Variants in TUFT1 observed in about 807,000 individuals in gnomAD.
TUFT1 encodes tuftelin.
In TUFT1, 43 loss-of-function variants were observed where a neutral mutation model predicts 57.8. That is an observed-to-expected ratio of 0.74 (90% CI 0.58 to 0.96). The LOEUF is 0.96. Ranked by LOEUF, TUFT1 falls within the 40% of genes least tolerant of loss-of-function variation. TUFT1 has a pLI of 0.00. For synonymous variants in TUFT1, 166 were observed against 176.7 expected, an observed-to-expected ratio of 0.94 and a Z score of 0.48; for missense variants, 459 against 489.0, an observed-to-expected ratio of 0.94 and a Z score of 0.58.
chr1:151,578,101 C>T (rs1162672565), intron 9 of TUFT1, among the ~76,000 whole-genome samples: 3 of 151,812 alleles, frequency 2.0e-5, no homozygotes, highest in African/African-American at 7.3e-5. Context: ...ACGAGGAGTT[C>T]ATTACACATG....
At chr1:151,567,200 T>C (rs1021961064) in intron 6 of TUFT1, among the ~76,000 whole-genome samples, 1 of 152,124 alleles carries the variant, frequency 6.6e-6, no homozygotes, top group Non-Finnish European at 1.5e-5. Context: ...GTGCCTAGCC[T>C]ACTTTTTAAA....
chr1:151,562,859 A>G (rs1311654832), intron 3 of TUFT1, among the ~76,000 whole-genome samples, 173 bp downstream of exon 3: 2 of 152,138 alleles, frequency 1.3e-5, no homozygotes, highest in African/African-American at 2.4e-5. Flanking sequence ...ATACCAGGAG[A>G]CTACAGTCTG....
At chr1:151,574,440 C>A in intron 8 of TUFT1, 42 bp downstream of exon 8, 1 of 1,610,852 alleles carries the variant, frequency 6.2e-7, no homozygotes, top group Non-Finnish European at 8.5e-7. Flanking sequence ...GACTCCTGGG[C>A]TGGAAGGGGC....
chr1:151,541,523 A>T (rs116467350), intron 1 of TUFT1, among the ~76,000 whole-genome samples: 2,531 of 152,048 alleles, frequency 0.017, 69 homozygotes, highest in African/African-American at 0.055. Flanking sequence ...CCCCCCTCCC[A>T]CATCTGACTC....
intron 1 of TUFT1, among the ~76,000 whole-genome samples, chr1:151,551,192 A>G (rs1447833971): frequency 6.6e-6 from 1 of 152,108 alleles, no homozygotes; most frequent in Non-Finnish European, 1.5e-5. Context: ...GTCTTTGCTC[A>G]GTTTTTCCTT....
At chr1:151,578,144 A>G (rs767492548) in intron 9 of TUFT1, among the ~76,000 whole-genome samples, 1 of 152,134 alleles carries the variant, frequency 6.6e-6, no homozygotes, top group Non-Finnish European at 1.5e-5. Context: ...TTTAATACTA[A>G]GAAAGTCTTT....
At chr1:151,581,623 T>G (rs1666648101) in intron 12 of TUFT1, 21 bp from the exon 13 acceptor site, 1 of 1,613,802 alleles carries the variant, frequency 6.2e-7, no homozygotes, top group Non-Finnish European at 8.5e-7. Flanking sequence ...CACAACTCAG[T>G]GTTTCCAACC....
chr1:151,580,182 A>G (rs1311847838), intron 11 of TUFT1, among the ~76,000 whole-genome samples: 1 of 152,242 alleles, frequency 6.6e-6, no homozygotes, highest in Non-Finnish European at 1.5e-5. Context: ...CTACCTGAAG[A>G]TCACTTTGCG....
chr1:151,550,088 C>T (rs1273303113), intron 1 of TUFT1, among the ~76,000 whole-genome samples: 1 of 152,056 alleles, frequency 6.6e-6, no homozygotes, highest in Non-Finnish European at 1.5e-5. Flanking sequence ...GGGCTCACTG[C>T]ACCTCTCTCC....
chr1:151,566,093 A>T, intron 5 of TUFT1, 70 bp from the exon 6 acceptor site: 1 of 975,860 alleles, frequency 1.0e-6, no homozygotes, highest in Non-Finnish European at 1.4e-6. Context: ...TTTGAGTGTT[A>T]GGAGAATAAT....
intron 1 of TUFT1, among the ~76,000 whole-genome samples, chr1:151,560,956 TTGTGTGTGTGTGTGTGTGTGTGTGTGTG>T (rs68056033): frequency 7.6e-6 from 1 of 132,450 alleles, no homozygotes; most frequent in East Asian, 2.2e-4. Flanking sequence ...CTGCAAAGTA[TTGTGTGTGTGTGTGTGTGTGTGTGTGTG>T]TGTGTGTGTG....
chr1:151,564,407 A>C, intron 4 of TUFT1, 118 bp from the exon 5 acceptor site: 1 of 694,378 alleles, frequency 1.4e-6, no homozygotes. Context: ...TCCTGCAGCC[A>C]GTCGTTAGGA....
Position 151,540,311 on chromosome 1 carries a change from T to C in TUFT1, c.-56T>C, listed in dbSNP as rs369678728. 1,418 of 1,611,880 alleles carry C rather than the reference T, an allele frequency of 8.8e-4. 4 individuals carry two copies. Among genetic ancestry groups the C allele is most frequent in the Non-Finnish European group, 6.8e-4 (797 of 1,178,548 alleles). ...GGCGGTTCCGCGCGCGCCCGCCCAG[T>C]TGGAGCCAGACAGCGGGGTGGACAA... On this transcript the variant is annotated 5_prime_UTR_variant, in exon 1 of 13. Transcript: ENST00000368849.
intron 7 of TUFT1, among the ~76,000 whole-genome samples, chr1:151,572,362 G>A (rs2102550168): frequency 6.6e-6 from 1 of 152,152 alleles, no homozygotes; most frequent in South Asian, 2.1e-4. Context: ...TGGAAGGGGA[G>A]TCTATTTTTT....
In TUFT1 at chr1:151,564,516, C is replaced by T; in HGVS notation, c.325-9C>T. 1 of 1,612,250 alleles carries T rather than the reference C, an allele frequency of 6.2e-7. No homozygotes were observed. On this transcript the variant is annotated splice_polypyrimidine_tract_variant and intron_variant, in intron 4 of 12. Coordinates refer to ENST00000368849, the MANE Select transcript of TUFT1 (RefSeq NM_020127.3). ...CCTAAAGCTCAAGTTTCTTCCCCTCCCCTCCCAGGCCAGGAACTGCCTACA... is the reference window on the plus strand; with the variant it reads ...CCTAAAGCTCAAGTTTCTTCCCCTCTCCTCCCAGGCCAGGAACTGCCTACA...
At chr1:151,550,203 T>C (rs1300664253) in intron 1 of TUFT1, among the ~76,000 whole-genome samples, 3 of 151,762 alleles carry the variant, frequency 2.0e-5, no homozygotes, top group African/African-American at 7.3e-5. Context: ...GGCCAGTGTT[T>C]TGTATTTTTA....
At chr1:151,553,546 A>C (rs1394623582) in intron 1 of TUFT1, among the ~76,000 whole-genome samples, 7 of 152,038 alleles carry the variant, frequency 4.6e-5, no homozygotes, top group African/African-American at 1.7e-4. Flanking sequence ...CGGGATGGGG[A>C]GGGGAGGAAT....
Position 151,580,952 on chromosome 1 carries a change from T to G in TUFT1, c.1019T>G (p.Met340Arg). The G allele has an allele frequency of 6.2e-7, 1 of 1,614,070 alleles. No homozygotes were observed. Among genetic ancestry groups the G allele is most frequent in the Non-Finnish European group, 8.5e-7 (1 of 1,180,012 alleles). ...AAGCTTGTGTTACAGAATTTAGAGA[T>G]GCATGACCGGATGGAACACCTGATA... ...IAYLEAENLEMHDRMEHLIEK... is the reference protein window; with the variant it reads ...IAYLEAENLERHDRMEHLIEK... Residue 340 changes from methionine to arginine, a missense_variant, in exon 12 of 13, where the codon ATG becomes AGG. Physicochemically the swap from Met to Arg is moderately conservative, Grantham distance 91 (BLOSUM62 -1). Transcript: ENST00000368849.
intron 6 of TUFT1, among the ~76,000 whole-genome samples, chr1:151,567,222 A>G (rs1666113475): frequency 6.6e-6 from 1 of 151,488 alleles, no homozygotes; most frequent in Non-Finnish European, 1.5e-5. Context: ...TTTTATAATT[A>G]TTATTTTTTG....
Sources: gnomAD v4.1 joint callset for allele counts (sites outside exome capture counted in the v4.1 genomes callset) on GRCh38, gnomAD v4.1.1 for gene constraint, MANE v1.5 for transcripts, NCBI Gene and HGNC (gene_info 2026-07-23, HGNC 2026-07-21) for gene names.